DTWD1: variants seen among roughly 807,000 people sequenced by gnomAD.
DTWD1 encodes DTW motif tRNA-uridine aminocarboxypropyltransferase 1, also known as tRNA-uridine aminocarboxypropyltransferase 1.
A neutral mutation model predicts 30.2 loss-of-function variants in DTWD1; 27 were observed. The observed-to-expected ratio is 0.90, with a 90% CI of 0.66 to 1.23. The LOEUF (loss-of-function observed/expected upper bound fraction) is 1.23. DTWD1 is among the 50% of genes most tolerant of loss of function. The pLI, the probability that DTWD1 is intolerant of heterozygous loss-of-function variation, is 0.00. For synonymous variants in DTWD1, 99 were observed against 113.1 expected, an observed-to-expected ratio of 0.88 and a Z score of 0.79; for missense variants, 342 against 348.8, an observed-to-expected ratio of 0.98 and a Z score of 0.15.
chr15:49,634,328 A>G, intron 3 of DTWD1, among the ~76,000 whole-genome samples: 1 of 152,240 alleles, frequency 6.6e-6, no homozygotes, highest in East Asian at 1.9e-4. Flanking sequence ...TTGAAATAAT[A>G]GTTTTAATTA....
rs547404795 is a variant in DTWD1, at chr15:49,649,514, A to G, written c.*5936A>G. ...CACTTTAGGAGGCCAAGGCAGGTGG[A>G]TCGCCTGAGGTCTGGAGTTTAAGAC... is the stretch of plus-strand genomic sequence containing the variant. On this transcript the variant is annotated 3_prime_UTR_variant, in exon 5 of 5. Coordinates refer to ENST00000403028, the MANE Select transcript of DTWD1 (RefSeq NM_001144955.2). The G allele has an allele frequency of 6.6e-5, 10 of 152,398 alleles. No homozygotes were observed. Among genetic ancestry groups the G allele is most frequent in the African/African-American group, 2.4e-4 (10 of 41,580 alleles). 9.4% of individuals were successfully genotyped at this position (152,398 alleles called of 1,614,324 possible). A position where few individuals can be genotyped will look rare whatever the true frequency, so the allele number is the denominator to read the frequency against.
At position 49,643,858 on chromosome 15, in the gene DTWD1, T is replaced by G. The variant is rs2079095661; in HGVS notation, c.*280T>G. 1 of 234,568 alleles carries G rather than the reference T, an allele frequency of 4.3e-6. No individual in the cohort carries two copies. Among genetic ancestry groups the G allele is most frequent in the Non-Finnish European group, 8.2e-6 (1 of 122,632 alleles). 14.5% of individuals were successfully genotyped at this position (234,568 alleles called of 1,614,324 possible). On this transcript the variant is annotated 3_prime_UTR_variant, in exon 5 of 5. Transcript: ENST00000403028. The stretch of plus-strand genomic sequence containing the variant: ...ATATAGTGTGTTATGTCTCTGTGAT[T>G]AGATATAACATATTCCATTAGATCT...
rs984848461 is a variant in DTWD1 at position 49,635,450 on chromosome 15, G to GT, written c.667+664dup. Among the ~76,000 whole-genome samples the GT allele has an allele frequency of 4.8e-4, 72 of 151,088 alleles. No homozygotes were observed. The South Asian group carries it at 6.7e-3, about 14-fold the overall frequency. Reference sequence around the variant, plus strand: ...ACTAAGAAGTTAGATCTTCTATTTTGTTTTTTTTGTTTTTTGCCTTACAGG... The same window carrying GT: ...ACTAAGAAGTTAGATCTTCTATTTTGTTTTTTTTTGTTTTTTGCCTTACAGG... On this transcript the variant is annotated intron_variant, in intron 4 of 4. Transcript: ENST00000403028.
In DTWD1 at chr15:49,649,245, C is replaced by CT. The variant is rs2079138621; in HGVS notation, c.*5670dup. ...AAGACATGGGGTGATGCCTTTAGAA[C>CT]TTTAAGTGAAAATAGTTTTCTATTT... is the stretch of plus-strand genomic sequence containing the variant. On this transcript the variant is annotated 3_prime_UTR_variant, in exon 5 of 5. Coordinates refer to ENST00000403028, the MANE Select transcript of DTWD1 (RefSeq NM_001144955.2). 5 of 152,228 alleles carry CT rather than the reference C, an allele frequency of 3.3e-5. No homozygotes were observed. In the South Asian group the frequency reaches 8.3e-4, roughly 25 times the overall value. The allele number at this position is 152,228 out of a possible 1,614,324, so 9.4% of individuals were successfully genotyped here.
At chr15:49,633,049 C>CTATATATCTATATATATATA (rs2078948133) in intron 3 of DTWD1, among the ~76,000 whole-genome samples, 1 of 117,316 alleles carries the variant, frequency 8.5e-6, no homozygotes, top group Non-Finnish European at 1.7e-5. Context: ...ATATCTATAT[C>CTATATATCTATATATATATA]TATATATATA....
chr15:49,633,053 A>ATATATATATATC (rs1555588623), intron 3 of DTWD1, among the ~76,000 whole-genome samples: 1 of 114,604 alleles, frequency 8.7e-6, no homozygotes, highest in Non-Finnish European at 2.1e-5. Context: ...CTATATCTAT[A>ATATATATATATC]TATATATATA....
At chr15:49,642,023 C>T (rs977315069) in intron 4 of DTWD1, among the ~76,000 whole-genome samples, 6 of 152,156 alleles carry the variant, frequency 3.9e-5, no homozygotes, top group Non-Finnish European at 8.8e-5. Context: ...TAACCGCTCC[C>T]TCTCTTCCAT....
Position 49,621,142 on chromosome 15 carries a change from C to T in DTWD1, c.-56+20C>T, listed in dbSNP as rs2078690749. On this transcript the variant is annotated intron_variant, in intron 1 of 4. Transcript: ENST00000403028. ...GTGCAGGTCTGAGTACCACTCCGAT[C>T]CCTGGTGGAGGTCCCCGCGCCTCTC... 6.6e-6 allele frequency: 1 copy of T among 152,348 alleles called. No individual in the cohort carries two copies. The highest frequency in any genetic ancestry group is 2.4e-5 in the African/African-American group (1 of 41,556). The allele number at this position is 152,348 out of a possible 1,614,324, so 9.4% of individuals were successfully genotyped here.
At position 49,649,553 on chromosome 15, in the gene DTWD1, A is replaced by G. The variant is rs1392523983; in HGVS notation, c.*5975A>G. 2 of 152,240 alleles carry G rather than the reference A, an allele frequency of 1.3e-5. No homozygotes were observed. Among genetic ancestry groups the G allele is most frequent in the Admixed American group, 6.5e-5 (1 of 15,268 alleles). 9.4% of individuals were successfully genotyped at this position (152,240 alleles called of 1,614,324 possible). On this transcript the variant is annotated 3_prime_UTR_variant, in exon 5 of 5. Transcript: ENST00000403028. ...GGAGTTTAAGACCAGCCTGGCTAAC[A>G]TGGCGAAACTCTGTCTCTACTAAAA...
At position 49,647,515 on chromosome 15, in the gene DTWD1, G is replaced by A. The variant is rs184448190; in HGVS notation, c.*3937G>A. ...AATAGATAAGGTACCTAAGAGCCTC[G>A]AAACATCACCAAATACCATGAATGC... is the stretch of plus-strand genomic sequence containing the variant. On this transcript the variant is annotated 3_prime_UTR_variant, in exon 5 of 5. Transcript: ENST00000403028. 41 of 152,166 alleles carry A rather than the reference G, an allele frequency of 2.7e-4. No individual in the cohort carries two copies. The highest frequency in any genetic ancestry group is 5.1e-4 in the Non-Finnish European group (35 of 67,998). 9.4% of individuals were successfully genotyped at this position (152,166 alleles called of 1,614,324 possible).
rs2079135990 is a variant in DTWD1 at position 49,648,796 on chromosome 15, C to T, written c.*5218C>T. The T allele has an allele frequency of 6.6e-6, 1 of 152,154 alleles. No homozygotes were observed. 9.4% of individuals were successfully genotyped at this position (152,154 alleles called of 1,614,324 possible). A position where few individuals can be genotyped will look rare whatever the true frequency, so the allele number is the denominator to read the frequency against. On this transcript the variant is annotated 3_prime_UTR_variant, in exon 5 of 5. Coordinates refer to ENST00000403028, the MANE Select transcript of DTWD1 (RefSeq NM_001144955.2). ...CTGATTGATTTACTATGACCTCACT[C>T]TTTATTCAGCAGTTCTGCCACTATT...
chr15:49,633,049 C>CTATATATATATATA (rs1555588610), intron 3 of DTWD1, among the ~76,000 whole-genome samples: 4,464 of 116,914 alleles, frequency 0.038, 142 homozygotes, highest in Middle Eastern at 0.054. Flanking sequence ...ATATCTATAT[C>CTATATATATATATA]TATATATATA....
intron 4 of DTWD1, among the ~76,000 whole-genome samples, chr15:49,635,804 T>C (rs556811310): frequency 6.6e-6 from 1 of 152,210 alleles, no homozygotes; most frequent in South Asian, 2.1e-4. Flanking sequence ...TTCCTTACAG[T>C]TTTTAAAAAT....
intron 3 of DTWD1, among the ~76,000 whole-genome samples, chr15:49,633,049 C>CTATATCTATATCTATCTATATCTATATA: frequency 8.5e-6 from 1 of 117,342 alleles, no homozygotes; most frequent in African/African-American, 3.3e-5. Context: ...ATATCTATAT[C>CTATATCTATATCTATCTATATCTATATA]TATATATATA....
Position 49,625,435 on chromosome 15 carries a change from A to G in DTWD1, c.264+4A>G, listed in dbSNP as rs1372609279. The G allele has an allele frequency of 1.9e-6, 3 of 1,603,740 alleles. No individual in the cohort carries two copies. The Admixed American group carries it at 5.1e-5, about 27-fold the overall frequency. ...TGAACAGATTCCACTTGTGAAGGTTAGTAAGAAATTTAATTGTTTGAAAGT... is the reference window on the plus strand; with the variant it reads ...TGAACAGATTCCACTTGTGAAGGTTGGTAAGAAATTTAATTGTTTGAAAGT... On this transcript the variant is annotated splice_donor_region_variant and intron_variant, in intron 2 of 4. Coordinates refer to ENST00000403028, the MANE Select transcript of DTWD1 (RefSeq NM_001144955.2).
In DTWD1 at chr15:49,633,043, C is replaced by CTATCTATATATATATATATA. The variant is rs1555588572; in HGVS notation, c.408+744_408+745insCTATATATATATATATATAT. ...TAAATTTTTACTTTCCTATTTATATCTATATCTATATATATATATATATAT... is the reference window on the plus strand; with the variant it reads ...TAAATTTTTACTTTCCTATTTATATCTATCTATATATATATATATATATATCTATATATATATATATATAT... On this transcript the variant is annotated intron_variant, in intron 3 of 4. Coordinates refer to ENST00000403028, the MANE Select transcript of DTWD1 (RefSeq NM_001144955.2). Among the ~76,000 whole-genome samples, 923 of 128,744 alleles carry CTATCTATATATATATATATA rather than the reference C, an allele frequency of 7.2e-3. 7 individuals are homozygous for CTATCTATATATATATATATA. Among genetic ancestry groups the CTATCTATATATATATATATA allele is most frequent in the Non-Finnish European group, 0.011 (640 of 60,364 alleles). The allele number at this position is 128,744 out of a possible 152,430, so 84.5% of individuals were successfully genotyped here.
At chr15:49,629,384 T>C (rs575071231) in intron 2 of DTWD1, among the ~76,000 whole-genome samples, 13 of 152,278 alleles carry the variant, frequency 8.5e-5, no homozygotes, top group African/African-American at 3.1e-4. Context: ...TTTATAAAAT[T>C]TGTCAATAAC....
intron 4 of DTWD1, among the ~76,000 whole-genome samples, chr15:49,639,537 G>A (rs1269802343): frequency 6.6e-6 from 1 of 152,024 alleles, no homozygotes; most frequent in Non-Finnish European, 1.5e-5. Flanking sequence ...ACTCCAGCCT[G>A]GACAACAGAG....
chr15:49,623,369 C>T (rs555278566), intron 1 of DTWD1, among the ~76,000 whole-genome samples: 70 of 152,146 alleles, frequency 4.6e-4, no homozygotes, highest in African/African-American at 1.6e-3. Flanking sequence ...AGCAAAGAGA[C>T]GCCAACAGAG....
Sources: allele counts gnomAD v4.1 joint callset (sites outside exome capture counted in the v4.1 genomes callset), GRCh38; gene constraint gnomAD v4.1.1; transcripts MANE v1.5; gene names NCBI Gene and HGNC (gene_info 2026-07-23, HGNC 2026-07-21).